Variants in KCNMB2 observed in about 807,000 individuals in gnomAD.
KCNMB2 encodes potassium calcium-activated channel subfamily M regulatory beta subunit 2.
A neutral mutation model predicts 24.5 loss-of-function variants in KCNMB2; 9 were observed. The ratio of observed to expected loss-of-function variants is 0.37; its 90% CI spans 0.22 to 0.64. The LOEUF (loss-of-function observed/expected upper bound fraction) is 0.64. Among genes scored for constraint, KCNMB2 ranks in the 30% least tolerant of loss-of-function variants. The pLI, the probability that KCNMB2 is intolerant of heterozygous loss-of-function variation, is 0.63. For missense variants in KCNMB2, 226 were observed against 284.3 expected, an observed-to-expected ratio of 0.79 and a Z score of 1.47; for synonymous variants, 109 against 104.4, an observed-to-expected ratio of 1.04 and a Z score of -0.27.
At chr3:178,721,792 C>A (rs886206698) in intron 1 of KCNMB2, among the ~76,000 whole-genome samples, 6 of 152,188 alleles carry the variant, frequency 3.9e-5, no homozygotes, top group African/African-American at 1.4e-4. Context: ...GTCATACTAT[C>A]TTATTTTGGC....
chr3:178,708,137 A>G (rs1722338368), intron 1 of KCNMB2, among the ~76,000 whole-genome samples: 1 of 152,134 alleles, frequency 6.6e-6, no homozygotes. Context: ...TTAGGAGGAT[A>G]ATACTCTTAT....
intron 1 of KCNMB2, among the ~76,000 whole-genome samples, chr3:178,797,111 T>C (rs1332198936): frequency 6.6e-6 from 1 of 152,082 alleles, no homozygotes; most frequent in East Asian, 1.9e-4. Context: ...CGAGCAACTA[T>C]ATGGCAATAA....
chr3:178,574,863 T>C (rs1433476751), intron 1 of KCNMB2, among the ~76,000 whole-genome samples: 1 of 151,570 alleles, frequency 6.6e-6, no homozygotes, highest in Non-Finnish European at 1.5e-5. Context: ...AGGTCAGGAG[T>C]TCAAGACCAG....
At chr3:178,746,463 C>A (rs1022659439) in intron 1 of KCNMB2, among the ~76,000 whole-genome samples, 1 of 152,138 alleles carries the variant, frequency 6.6e-6, no homozygotes, top group African/African-American at 2.4e-5. Flanking sequence ...CTGTGAAGAC[C>A]TTAGACATGC....
At chr3:178,727,527 T>C (rs2108363825) in intron 1 of KCNMB2, among the ~76,000 whole-genome samples, 1 of 152,258 alleles carries the variant, frequency 6.6e-6, no homozygotes, top group African/African-American at 2.4e-5. Context: ...GTGAGCCCAA[T>C]CTAATTAAAT....
intron 1 of KCNMB2, among the ~76,000 whole-genome samples, chr3:178,593,052 T>G (rs1207943727): frequency 6.6e-6 from 1 of 151,894 alleles, no homozygotes; most frequent in Non-Finnish European, 1.5e-5. Flanking sequence ...GGCTCTGGTG[T>G]TGGGGAGTGG....
At chr3:178,614,277 A>ATGTATGTG (rs1254264851) in intron 1 of KCNMB2, among the ~76,000 whole-genome samples, 1 of 101,334 alleles carries the variant, frequency 9.9e-6, no homozygotes, top group Non-Finnish European at 2.0e-5. Context: ...ATATATATAT[A>ATGTATGTG]TATATATATA....
chr3:178,751,573 CAAAAAAAAAAAAAAA>C (rs61148761), intron 1 of KCNMB2, among the ~76,000 whole-genome samples: 11 of 47,712 alleles, frequency 2.3e-4, no homozygotes, highest in African/African-American at 3.5e-4. Flanking sequence ...GACTCCGTCT[CAAAAAAAAAAAAAAA>C]AAAAAAAAAA....
At chr3:178,588,103 A>G (rs1388798181) in intron 1 of KCNMB2, among the ~76,000 whole-genome samples, 1 of 151,966 alleles carries the variant, frequency 6.6e-6, no homozygotes, top group Non-Finnish European at 1.5e-5. Flanking sequence ...TAATCTTTTT[A>G]TCAGAGGCTC....
intron 1 of KCNMB2, chr3:178,748,949 A>G (rs1014519343): frequency 2.6e-5 from 4 of 152,228 alleles, no homozygotes; most frequent in African/African-American, 9.6e-5. Flanking sequence ...ACCATAACAA[A>G]ACAAAGATTC....
At chr3:178,582,596 T>C (rs1317995752) in intron 1 of KCNMB2, among the ~76,000 whole-genome samples, 1 of 152,220 alleles carries the variant, frequency 6.6e-6, no homozygotes, top group Non-Finnish European at 1.5e-5. Context: ...GATAATGGGT[T>C]GTCTAGTTTT....
chr3:178,775,937 T>A (rs1486547802), intron 1 of KCNMB2, among the ~76,000 whole-genome samples: 4 of 152,166 alleles, frequency 2.6e-5, no homozygotes, highest in Non-Finnish European at 5.9e-5. Flanking sequence ...ATCCAGTAAC[T>A]GATGCTTCTC....
chr3:178,645,438 C>T (rs1250728774), intron 1 of KCNMB2, among the ~76,000 whole-genome samples: 2 of 152,088 alleles, frequency 1.3e-5, no homozygotes, highest in Non-Finnish European at 2.9e-5. Context: ...ATTCCAGTGC[C>T]ATTCATTTCT....
In KCNMB2 at chr3:178,681,710, T is replaced by C. The variant is rs79705506; in HGVS notation, c.-67-125633T>C. Among the ~76,000 whole-genome samples, 1,148 of 152,330 alleles carry C rather than the reference T, an allele frequency of 7.5e-3. 14 individuals are homozygous for C. Among genetic ancestry groups the C allele is most frequent in the African/African-American group, 0.027 (1,113 of 41,594 alleles). On this transcript the variant is annotated intron_variant, in intron 1 of 4. Transcript: ENST00000452583. ...GTCATATCGACTACCTGAAGCTTTG[T>C]TGCCACTCAATGGATTCAGAGGCAT...
chr3:178,670,968 C>T (rs1720878765), intron 1 of KCNMB2, among the ~76,000 whole-genome samples: 1 of 152,082 alleles, frequency 6.6e-6, no homozygotes, highest in African/African-American at 2.4e-5. Context: ...GTGGGTACAG[C>T]AGAGGTTGGA....
At chr3:178,661,270 G>C (rs1029404317) in intron 1 of KCNMB2, among the ~76,000 whole-genome samples, 1 of 151,930 alleles carries the variant, frequency 6.6e-6, no homozygotes, top group African/African-American at 2.4e-5. Flanking sequence ...AGTTTGTTGA[G>C]CATGATGGTT....
intron 1 of KCNMB2, among the ~76,000 whole-genome samples, chr3:178,697,973 G>A (rs1277563413): frequency 6.6e-6 from 1 of 152,148 alleles, no homozygotes; most frequent in Non-Finnish European, 1.5e-5. Context: ...GAGGTCTGCT[G>A]TTAGTCTGAT....
intron 1 of KCNMB2, among the ~76,000 whole-genome samples, chr3:178,692,004 T>G (rs1374266863): frequency 5.9e-5 from 9 of 152,214 alleles, no homozygotes; most frequent in Non-Finnish European, 1.3e-4. Flanking sequence ...TAATGGTCAA[T>G]GATGTTGAGC....
At chr3:178,713,261 C>T (rs936277248) in intron 1 of KCNMB2, among the ~76,000 whole-genome samples, 1 of 152,170 alleles carries the variant, frequency 6.6e-6, no homozygotes, top group Non-Finnish European at 1.5e-5. Flanking sequence ...TTTATCCTTT[C>T]ACATTGGGTA....
Sources: allele counts gnomAD v4.1 joint callset (sites outside exome capture counted in the v4.1 genomes callset), GRCh38; gene constraint gnomAD v4.1.1; transcripts MANE v1.5; gene names NCBI Gene and HGNC (gene_info 2026-07-23, HGNC 2026-07-21).